Variants in TTC39C observed in about 807,000 individuals in gnomAD.
The protein encoded by TTC39C is tetratricopeptide repeat domain 39C.
In TTC39C, 33 loss-of-function variants were observed where a neutral mutation model predicts 76.3. The ratio of observed to expected loss-of-function variants is 0.43; its 90% CI spans 0.33 to 0.58. The LOEUF is 0.58. TTC39C is among the 20% of genes least tolerant of loss of function. TTC39C has a pLI of 0.04. For missense variants in TTC39C, 595 were observed against 701.4 expected, an observed-to-expected ratio of 0.85 and a Z score of 1.71; for synonymous variants, 254 against 260.6, an observed-to-expected ratio of 0.97 and a Z score of 0.24.
At chr18:24,123,679 T>G in intron 8 of TTC39C, 155 bp from the exon 9 acceptor site, 1 of 538,986 alleles carries the variant, frequency 1.9e-6, no homozygotes, top group Non-Finnish European at 3.2e-6. Context: ...AGTGCTGGGA[T>G]TACTGACATG....
intron 6 of TTC39C, among the ~76,000 whole-genome samples, chr18:24,098,382 T>TTCTC (rs1432516742): frequency 5.4e-4 from 56 of 104,022 alleles, no homozygotes; most frequent in African/African-American, 2.5e-3. Flanking sequence ...TTTCTTTTCC[T>TTCTC]TCCCTCCCTC....
At chr18:24,059,337 T>A (rs575104456) in intron 1 of TTC39C, among the ~76,000 whole-genome samples, 75 of 152,314 alleles carry the variant, frequency 4.9e-4, no homozygotes, top group African/African-American at 1.7e-3. Context: ...TACTAATTTT[T>A]TATTTTTTCC....
In TTC39C at chr18:24,053,225, T is replaced by C. The variant is rs550471282; in HGVS notation, c.168-10915T>C. On this transcript the variant is annotated intron_variant, in intron 1 of 13. Transcript: ENST00000317571. ...CCCATTTTATTTTCCTTGGCCACCGTCTGAGGGAATAGGTTGCTTTTCTTA... is the reference window on the plus strand; with the variant it reads ...CCCATTTTATTTTCCTTGGCCACCGCCTGAGGGAATAGGTTGCTTTTCTTA... Among the ~76,000 whole-genome samples the C allele has an allele frequency of 3.9e-5, 6 of 152,330 alleles. No individual in the cohort carries two copies. The South Asian group carries it at 1.0e-3, about 26-fold the overall frequency.
chr18:24,071,260 T>C (rs954663528), intron 4 of TTC39C, among the ~76,000 whole-genome samples: 6 of 152,216 alleles, frequency 3.9e-5, no homozygotes, highest in African/African-American at 1.4e-4. Flanking sequence ...TGTCTTTCGT[T>C]TGTTCAATCA....
chr18:24,016,761 C>T, intron 1 of TTC39C: 2 of 398,538 alleles, frequency 5.0e-6, no homozygotes, highest in Non-Finnish European at 4.4e-6. Context: ...TGGAGGTGTC[C>T]AGGGAATATT....
intron 2 of TTC39C, 55 bp from the exon 3 acceptor site, chr18:24,065,957 G>A (rs1464075304): frequency 2.0e-6 from 3 of 1,479,244 alleles, no homozygotes; most frequent in South Asian, 1.3e-5. Flanking sequence ...TAATAAGTTG[G>A]CTTAAATTTT....
intron 1 of TTC39C, among the ~76,000 whole-genome samples, chr18:24,021,669 C>A (rs912651607): frequency 6.6e-6 from 1 of 151,274 alleles, no homozygotes; most frequent in African/African-American, 2.4e-5. Context: ...CCAAGCTGGG[C>A]CTTTTCTTAT....
intron 1 of TTC39C, among the ~76,000 whole-genome samples, chr18:24,034,532 G>A (rs181733040): frequency 1.4e-4 from 22 of 152,064 alleles, no homozygotes; most frequent in African/African-American, 4.6e-4. Context: ...TTAGATGTAC[G>A]GTACAGTGGC....
upstream of TTC39C, chr18:24,014,538 G>A (rs144517169): frequency 9.6e-3 from 1,830 of 190,298 alleles, 35 homozygotes; most frequent in African/African-American, 0.041. Flanking sequence ...CTCGGGGACC[G>A]GCTTGGCGGG....
At chr18:24,035,872 G>A (rs2083725589) in intron 1 of TTC39C, among the ~76,000 whole-genome samples, 1 of 151,998 alleles carries the variant, frequency 6.6e-6, no homozygotes, top group Non-Finnish European at 1.5e-5. Context: ...ATGTGATGAA[G>A]CTTTTTCTCT....
At chr18:24,038,420 C>T (rs1342992535) in intron 1 of TTC39C, among the ~76,000 whole-genome samples, 1 of 152,082 alleles carries the variant, frequency 6.6e-6, no homozygotes, top group Non-Finnish European at 1.5e-5. Flanking sequence ...GTAGCTGGAA[C>T]CACAGGCATG....
chr18:24,110,441 C>T (rs917442443), intron 6 of TTC39C, among the ~76,000 whole-genome samples: 2 of 152,142 alleles, frequency 1.3e-5, no homozygotes, highest in African/African-American at 4.8e-5. Flanking sequence ...AGAGACAGTA[C>T]TGTCACTTGC....
intron 1 of TTC39C, among the ~76,000 whole-genome samples, chr18:23,993,595 G>A (rs9944638): frequency 6.9e-4 from 105 of 152,212 alleles, no homozygotes; most frequent in African/African-American, 2.4e-3. Context: ...TATAAAGATC[G>A]AAATGTAGGC....
chr18:24,111,033 C>T (rs2145804064), intron 6 of TTC39C, among the ~76,000 whole-genome samples: 1 of 151,972 alleles, frequency 6.6e-6, no homozygotes, highest in East Asian at 2.0e-4. Context: ...CTCTGTCACC[C>T]AGGCTAGAGT....
At chr18:24,114,445 C>A in intron 6 of TTC39C, 109 bp from the exon 7 acceptor site, 1 of 835,486 alleles carries the variant, frequency 1.2e-6, no homozygotes, top group Non-Finnish European at 1.9e-6. Flanking sequence ...TTCTATATTG[C>A]TTAACCTGTT....
At chr18:24,021,973 C>T (rs997544642) in intron 1 of TTC39C, among the ~76,000 whole-genome samples, 12 of 152,206 alleles carry the variant, frequency 7.9e-5, no homozygotes, top group African/African-American at 2.7e-4. Flanking sequence ...TTCAAATCTA[C>T]CTCAAACAGA....
At position 24,083,073 on chromosome 18, in the gene TTC39C, C is replaced by T. The variant is rs754229987; in HGVS notation, c.976C>T (p.Arg326Ter). The T allele has an allele frequency of 1.2e-6, 2 of 1,613,330 alleles. No homozygotes were observed. Among genetic ancestry groups the T allele is most frequent in the South Asian group, 1.1e-5 (1 of 90,962 alleles). The change falls in exon 6 of 14, where the codon CGA becomes TGA. Residue 326 changes from arginine to a stop codon, truncating the protein, a stop_gained. Coordinates refer to ENST00000317571, the MANE Select transcript of TTC39C (RefSeq NM_001135993.2). LOFTEE classifies it high-confidence loss of function. ...TATGTTTTTCAAGGGACGGATACAA[C>T]GACTAGAGGTACTGTACCTTCCTCA... ...LFMFFKGRIQ[R>*]LECQINSALT... is the part of the protein sequence containing the mutation.
At chr18:24,041,666 TG>T (rs745655209) in intron 1 of TTC39C, among the ~76,000 whole-genome samples, 2 of 152,242 alleles carry the variant, frequency 1.3e-5, no homozygotes, top group Non-Finnish European at 2.9e-5. Context: ...GGAGAGAAAT[TG>T]GGCCTCTTAA....
At chr18:24,128,645 T>G (rs1431985713) in intron 10 of TTC39C, among the ~76,000 whole-genome samples, 1 of 152,214 alleles carries the variant, frequency 6.6e-6, no homozygotes, top group Non-Finnish European at 1.5e-5. Flanking sequence ...GGGTCAGTTC[T>G]GATCCTCTCC....
Sources: allele counts gnomAD v4.1 joint callset (sites outside exome capture counted in the v4.1 genomes callset), GRCh38; gene constraint gnomAD v4.1.1; transcripts MANE v1.5; gene names NCBI Gene and HGNC (gene_info 2026-07-23, HGNC 2026-07-21).